CSRNP3: variants seen among roughly 807,000 people sequenced by gnomAD.
CSRNP3 encodes cysteine and serine rich nuclear protein 3, also known as cysteine/serine-rich nuclear protein 3.
In CSRNP3, 12 loss-of-function variants were observed where a neutral mutation model predicts 48.0. That is an observed-to-expected ratio of 0.25 (90% CI 0.16 to 0.41). The LOEUF is 0.41. CSRNP3 is among the 10% of genes least tolerant of loss of function. CSRNP3 has a pLI of 1.00. For missense variants in CSRNP3, 580 were observed against 724.4 expected, an observed-to-expected ratio of 0.80 and a Z score of 2.29; for synonymous variants, 263 against 269.7, an observed-to-expected ratio of 0.98 and a Z score of 0.24.
chr2:165,499,629 T>G (rs1354821558), intron 2 of CSRNP3, among the ~76,000 whole-genome samples: 1 of 152,142 alleles, frequency 6.6e-6, no homozygotes, highest in Non-Finnish European at 1.5e-5. Flanking sequence ...ACTAGAATAG[T>G]TAAGTAAGTC....
intron 4 of CSRNP3, among the ~76,000 whole-genome samples, chr2:165,637,096 C>G (rs2105331182): frequency 6.6e-6 from 1 of 152,246 alleles, no homozygotes; most frequent in Non-Finnish European, 1.5e-5. Context: ...ATTGCTAGAT[C>G]AAGGCAACAG....
chr2:165,609,291 T>TA (rs957287917), intron 4 of CSRNP3, among the ~76,000 whole-genome samples: 143 of 129,456 alleles, frequency 1.1e-3, no homozygotes, highest in Non-Finnish European at 1.8e-3. Flanking sequence ...CCGTCTCTAC[T>TA]AAAAAAAAAT....
chr2:165,653,835 G>A (rs1024334340), intron 4 of CSRNP3, among the ~76,000 whole-genome samples: 8 of 151,766 alleles, frequency 5.3e-5, no homozygotes, highest in Admixed American at 3.3e-4. Context: ...AGCTGGGCGT[G>A]GTGGCAGATA....
chr2:165,577,669 A>G (rs183685310), intron 3 of CSRNP3, among the ~76,000 whole-genome samples: 1 of 151,748 alleles, frequency 6.6e-6, no homozygotes, highest in Non-Finnish European at 1.5e-5. Flanking sequence ...GCCTCTTACT[A>G]TTATATACTT....
intron 3 of CSRNP3, among the ~76,000 whole-genome samples, chr2:165,583,531 C>T (rs1330762921): frequency 6.6e-6 from 1 of 152,130 alleles, no homozygotes; most frequent in Non-Finnish European, 1.5e-5. Context: ...GAAACTTTGA[C>T]AAAGTAGTTA....
chr2:165,482,495 C>T (rs1281023448), intron 1 of CSRNP3, among the ~76,000 whole-genome samples: 2 of 152,034 alleles, frequency 1.3e-5, no homozygotes, highest in Non-Finnish European at 2.9e-5. Flanking sequence ...AAACTCGTGA[C>T]CTCAAGTGAT....
chr2:165,629,150 A>T (rs546868541), intron 4 of CSRNP3, among the ~76,000 whole-genome samples: 2 of 152,338 alleles, frequency 1.3e-5, no homozygotes, highest in African/African-American at 4.8e-5. Flanking sequence ...GCTGCCGGCA[A>T]TTCTGATACA....
At chr2:165,538,801 C>T (rs927976507) in intron 3 of CSRNP3, among the ~76,000 whole-genome samples, 10 of 151,866 alleles carry the variant, frequency 6.6e-5, no homozygotes, top group Non-Finnish European at 1.0e-4. Flanking sequence ...TGTAGCAATA[C>T]ACTTGTGAAC....
chr2:165,625,469 A>T (rs1014339895), intron 4 of CSRNP3, among the ~76,000 whole-genome samples: 1 of 150,588 alleles, frequency 6.6e-6, no homozygotes, highest in African/African-American at 2.4e-5. Flanking sequence ...CTAATAAAAA[A>T]AAAAAAAAGG....
chr2:165,531,431 C>T (rs1215312832), intron 3 of CSRNP3, among the ~76,000 whole-genome samples: 1 of 152,152 alleles, frequency 6.6e-6, no homozygotes, highest in Non-Finnish European at 1.5e-5. Flanking sequence ...ACAGGCTTGG[C>T]TGGTAAATTT....
chr2:165,612,902 A>G (rs551236945), intron 4 of CSRNP3, among the ~76,000 whole-genome samples: 43 of 152,026 alleles, frequency 2.8e-4, no homozygotes, highest in Non-Finnish European at 5.4e-4. Flanking sequence ...TCTCTTCAAT[A>G]TACTGATTTC....
intron 3 of CSRNP3, among the ~76,000 whole-genome samples, chr2:165,560,798 C>A (rs1182165801): frequency 3.9e-5 from 6 of 152,168 alleles, no homozygotes; most frequent in Admixed American, 1.3e-4. Flanking sequence ...AATGCAGATC[C>A]TTATGGTAAA....
At chr2:165,509,091 G>T (rs1268745296) in intron 2 of CSRNP3, among the ~76,000 whole-genome samples, 1 of 152,072 alleles carries the variant, frequency 6.6e-6, no homozygotes, top group African/African-American at 2.4e-5. Context: ...CAAGTAATAG[G>T]TGTTTATCCA....
intron 6 of CSRNP3, 93 bp from the exon 7 acceptor site, chr2:165,678,608 G>T: frequency 7.0e-6 from 10 of 1,418,490 alleles, no homozygotes; most frequent in Non-Finnish European, 8.6e-6. Flanking sequence ...TAAGTGGATG[G>T]ATTACTTAAT....
At position 165,574,799 on chromosome 2, in the gene CSRNP3, T is replaced by C. The variant is rs575758570; in HGVS notation, c.-23-20244T>C. 2.6e-5 allele frequency among the ~76,000 whole-genome samples: 4 copies of C among 152,310 alleles called. No individual in the cohort carries two copies. In the South Asian group the frequency reaches 8.3e-4, roughly 32 times the overall value. The stretch of plus-strand genomic sequence containing the variant: ...GTATTTAAAATAAGATCCGAGTTCC[T>C]AGCCTAAGATTATTGTGATGTATCT... On this transcript the variant is annotated intron_variant, in intron 3 of 6. Transcript: ENST00000651982.
At chr2:165,638,637 A>G (rs1267506068) in intron 4 of CSRNP3, among the ~76,000 whole-genome samples, 3 of 152,250 alleles carry the variant, frequency 2.0e-5, no homozygotes, top group African/African-American at 7.2e-5. Flanking sequence ...TACTCTTGCC[A>G]CAACTGAAAA....
At chr2:165,598,808 A>G (rs188015339) in intron 4 of CSRNP3, among the ~76,000 whole-genome samples, 21 of 152,356 alleles carry the variant, frequency 1.4e-4, no homozygotes, top group African/African-American at 5.1e-4. Context: ...ATAATTCAAG[A>G]AAAGATTTAA....
chr2:165,554,783 T>C lies in CSRNP3; in HGVS notation c.-24+36822T>C, dbSNP rs150669559. 4.3e-4 allele frequency among the ~76,000 whole-genome samples: 66 copies of C among 152,300 alleles called. 2 individuals carry two copies. The East Asian group carries it at 0.012, about 27-fold the overall frequency. On this transcript the variant is annotated intron_variant, in intron 3 of 6. Transcript: ENST00000651982. ...ACAGCCAGAGTCATCTTAAACCTCA[T>C]GCAGATCATTTATTCCTCTGCTCAG...
chr2:165,483,753 C>T (rs1684078362), intron 1 of CSRNP3, among the ~76,000 whole-genome samples: 1 of 152,122 alleles, frequency 6.6e-6, no homozygotes, highest in African/African-American at 2.4e-5. Flanking sequence ...GCTGTAACCT[C>T]ATGTGGCAGG....
Sources: gnomAD v4.1 joint callset for allele counts (sites outside exome capture counted in the v4.1 genomes callset) on GRCh38, gnomAD v4.1.1 for gene constraint, MANE v1.5 for transcripts, NCBI Gene and HGNC (gene_info 2026-07-23, HGNC 2026-07-21) for gene names.